The following SYT16 variants were observed in gnomAD, a reference collection of about 807,000 sequenced individuals.
SYT16 encodes the protein synaptotagmin 16.
SYT16 carries 42 observed loss-of-function variants against 61.4 expected under a neutral mutation model. The observed-to-expected ratio is 0.68, with a 90% CI of 0.53 to 0.89. The LOEUF is 0.89. SYT16 is among the 40% of genes least tolerant of loss of function. The pLI, the probability that SYT16 is intolerant of heterozygous loss-of-function variation, is 0.00. For missense variants in SYT16, 804 were observed against 807.3 expected (o/e 1.00, Z 0.05); for synonymous variants, 314 against 302.3 (o/e 1.04, Z -0.40).
intron 1 of SYT16, among the ~76,000 whole-genome samples, chr14:61,829,607 A>G (rs2045873929): frequency 6.6e-6 from 1 of 150,526 alleles, no homozygotes; most frequent in African/African-American, 2.4e-5. Flanking sequence ...TTCCTCCTAA[A>G]CTTGTCTCTC....
rs902596567 is a variant in SYT16, at chr14:62,075,628, GA to G, written c.993+246del. On this transcript the variant is annotated intron_variant, in intron 5 of 7. Transcript: ENST00000683842. ...GTAAAAAAAAAAAAAAAGAAAAAAAGAAAAAAAAATAAGAATGGTGGCAGAA... is the reference window on the plus strand; with the variant it reads ...GTAAAAAAAAAAAAAAAGAAAAAAAGAAAAAAAATAAGAATGGTGGCAGAA... Among the ~76,000 whole-genome samples the G allele has an allele frequency of 4.0e-4, 52 of 129,824 alleles. 1 individual carries two copies. Among genetic ancestry groups the G allele is most frequent in the Admixed American group, 7.4e-4 (10 of 13,502 alleles). The allele number at this position is 129,824 out of a possible 152,430, so 85.2% of individuals were successfully genotyped here. A position where few individuals can be genotyped will look rare whatever the true frequency, so the allele number is the denominator to read the frequency against.
chr14:61,971,580 A>G (rs1427597178), intron 2 of SYT16, among the ~76,000 whole-genome samples: 2 of 152,234 alleles, frequency 1.3e-5, no homozygotes, highest in African/African-American at 4.8e-5. Context: ...GAAGTCTTAC[A>G]ATGTCACTTT....
At chr14:61,969,268 A>C (rs2051444756) in intron 1 of SYT16, among the ~76,000 whole-genome samples, 2 of 152,150 alleles carry the variant, frequency 1.3e-5, no homozygotes, top group Admixed American at 1.3e-4. Flanking sequence ...CCCTTTATAC[A>C]AGTTAATTTC....
chr14:61,911,321 T>C (rs1001397022), intron 1 of SYT16, among the ~76,000 whole-genome samples: 1 of 152,314 alleles, frequency 6.6e-6, no homozygotes, highest in Non-Finnish European at 1.5e-5. Flanking sequence ...TTACCTTTAA[T>C]GTTTGGCCCT....
intron 1 of SYT16, among the ~76,000 whole-genome samples, chr14:61,844,026 A>T (rs1387881252): frequency 6.6e-6 from 1 of 152,172 alleles, no homozygotes; most frequent in Admixed American, 6.5e-5. Flanking sequence ...GATTTTTCCA[A>T]TCCACGAATA....
chr14:61,821,053 TG>T (rs1451032720), intron 1 of SYT16, among the ~76,000 whole-genome samples: 1 of 152,112 alleles, frequency 6.6e-6, no homozygotes, highest in Non-Finnish European at 1.5e-5. Context: ...CTTTTCCCTT[TG>T]GTTTCACTAT....
intron 1 of SYT16, among the ~76,000 whole-genome samples, chr14:61,886,464 G>A (rs1037959059): frequency 8.5e-5 from 13 of 152,244 alleles, no homozygotes; most frequent in Admixed American, 3.3e-4. Flanking sequence ...ATTCTAAATC[G>A]TTTGTTGTCA....
intron 1 of SYT16, among the ~76,000 whole-genome samples, chr14:61,852,110 G>C (rs372298936): frequency 6.6e-6 from 1 of 152,046 alleles, no homozygotes; most frequent in African/African-American, 2.4e-5. Flanking sequence ...TTTAAGGAAG[G>C]GTTCCCATTT....
chr14:61,860,065 T>C (rs116361687), intron 1 of SYT16, among the ~76,000 whole-genome samples: 2,113 of 152,248 alleles, frequency 0.014, 53 homozygotes, highest in African/African-American at 0.049. Flanking sequence ...TCAATAGTTG[T>C]CTTTTCCACT....
intron 3 of SYT16, among the ~76,000 whole-genome samples, chr14:62,049,606 G>A (rs1447354883): frequency 1.3e-5 from 2 of 152,102 alleles, no homozygotes; most frequent in Non-Finnish European, 2.9e-5. Flanking sequence ...TTTTTGCAGC[G>A]GCTGGTACCA....
At chr14:61,963,803 G>C (rs971015449) in intron 1 of SYT16, among the ~76,000 whole-genome samples, 4 of 152,126 alleles carry the variant, frequency 2.6e-5, no homozygotes, top group Admixed American at 6.6e-5. Flanking sequence ...TGGCCCTGTT[G>C]GTAAGGGCTG....
chr14:61,881,063 C>A (rs2047680644), intron 1 of SYT16, among the ~76,000 whole-genome samples: 1 of 152,072 alleles, frequency 6.6e-6, no homozygotes, highest in Non-Finnish European at 1.5e-5. Context: ...ATGAAGCCCC[C>A]CTGGTGCTCT....
At chr14:61,952,042 C>A (rs1252658932) in intron 1 of SYT16, among the ~76,000 whole-genome samples, 1 of 152,082 alleles carries the variant, frequency 6.6e-6, no homozygotes, top group Non-Finnish European at 1.5e-5. Context: ...TCTGCCTCAG[C>A]CTCACAAAGT....
chr14:62,048,741 A>G (rs149785074), intron 3 of SYT16, among the ~76,000 whole-genome samples: 9,528 of 152,212 alleles, frequency 0.063, 356 homozygotes, highest in Middle Eastern at 0.15. Flanking sequence ...TGTACCCAGT[A>G]GTCATTCAGG....
intron 1 of SYT16, among the ~76,000 whole-genome samples, chr14:61,893,668 C>T (rs571483155): frequency 3.9e-5 from 6 of 152,298 alleles, no homozygotes; most frequent in South Asian, 2.1e-4. Context: ...TACATCTGGG[C>T]GTGGGCTGCA....
intron 1 of SYT16, among the ~76,000 whole-genome samples, chr14:61,818,606 A>T (rs910623573): frequency 6.8e-6 from 1 of 146,964 alleles, no homozygotes; most frequent in Non-Finnish European, 1.5e-5. Flanking sequence ...TGAACCTGGG[A>T]GGCGGAGGTT....
At chr14:61,847,543 G>C (rs2046480695) in intron 1 of SYT16, among the ~76,000 whole-genome samples, 1 of 151,944 alleles carries the variant, frequency 6.6e-6, no homozygotes, top group South Asian at 2.1e-4. Flanking sequence ...AGTCCTCTTT[G>C]GGTTAAATCT....
chr14:62,003,330 G>T (rs188788113), intron 3 of SYT16, among the ~76,000 whole-genome samples: 3 of 152,094 alleles, frequency 2.0e-5, no homozygotes, highest in Admixed American at 6.6e-5. Flanking sequence ...GAACTTCTAA[G>T]TGGGCTTGAA....
intron 3 of SYT16, among the ~76,000 whole-genome samples, chr14:62,007,588 G>T (rs2053273675): frequency 6.6e-6 from 1 of 152,080 alleles, no homozygotes; most frequent in Non-Finnish European, 1.5e-5. Context: ...TACGTATTTT[G>T]CAGTTTTGTG....
Sources: gnomAD v4.1 joint callset for allele counts (sites outside exome capture counted in the v4.1 genomes callset) on GRCh38, gnomAD v4.1.1 for gene constraint, MANE v1.5 for transcripts, NCBI Gene and HGNC (gene_info 2026-07-23, HGNC 2026-07-21) for gene names.